Variants in LBR observed in about 807,000 individuals in gnomAD.
LBR encodes lamin B receptor.
Under a neutral mutation model 74.3 loss-of-function variants are expected in LBR, and 28 were observed. The observed-to-expected ratio is 0.38, with a 90% CI of 0.28 to 0.52. The LOEUF is 0.52. LBR is among the 20% of genes least tolerant of loss of function. The pLI is 0.89. For missense variants in LBR, 717 were observed against 760.3 expected (o/e 0.94, Z 0.67); for synonymous variants, 228 against 269.3 (o/e 0.85, Z 1.50).
chr1:225,404,302 G>C, intron 13 of LBR, 102 bp downstream of exon 13: 1 of 1,521,450 alleles, frequency 6.6e-7, no homozygotes. Context: ...GCGACAAAAA[G>C]ACTCACACCC....
chr1:225,411,877 T>C (rs969945540), intron 8 of LBR, among the ~76,000 whole-genome samples: 3 of 152,244 alleles, frequency 2.0e-5, no homozygotes, highest in Admixed American at 2.0e-4. Flanking sequence ...TGGCACAGTC[T>C]CGGCTCACTG....
At chr1:225,407,325 G>A (rs777421582) in intron 10 of LBR, among the ~76,000 whole-genome samples, 16 of 152,164 alleles carry the variant, frequency 1.1e-4, no homozygotes, top group Non-Finnish European at 1.8e-4. Context: ...CACAGTGCCC[G>A]CCATGGAGAG....
chr1:225,422,130 C>T lies in LBR; in HGVS notation c.313G>A (p.Asp105Asn), dbSNP rs557489420. Residue 105 changes from aspartate (D) to asparagine (N), a missense_variant, in exon 3 of 14, where the codon GAC becomes AAC. Physicochemically the swap from Asp to Asn is conservative, Grantham distance 23. Transcript: ENST00000272163. ...RRSASASHQA[D>N]IKEARREVEV... The stretch of plus-strand genomic sequence containing the variant: ...ACTTCCCTCCTTGCTTCCTTAATGT[C>T]GGCCTGGTGGGAAGCAGAAGCAGAT... The T allele has an allele frequency of 2.1e-5, 34 of 1,614,126 alleles. No individual in the cohort carries two copies. The highest frequency in any genetic ancestry group is 8.0e-5 in the African/African-American group (6 of 75,046).
In LBR at chr1:225,419,418, A is replaced by G. The variant is rs768462183; in HGVS notation, c.485T>C (p.Ile162Thr). ...KFSLSQESSYIATQYSLRPRR... is the reference protein window; with the variant it reads ...KFSLSQESSYTATQYSLRPRR... ...TGGACGAAGGCTATACTGTGTTGCT[A>G]TGTAACTGCTTTCTTGTGACAAACT... Residue 162 changes from isoleucine to threonine, a missense_variant, in exon 5 of 14, where the codon ATA (isoleucine) becomes ACA (threonine). By Grantham distance (89) the Ile-to-Thr change is moderately conservative. Coordinates refer to ENST00000272163, the MANE Select transcript of LBR (RefSeq NM_002296.4). The G allele has an allele frequency of 1.2e-6, 2 of 1,613,448 alleles. No individual in the cohort carries two copies. Among genetic ancestry groups the G allele is most frequent in the Non-Finnish European group, 1.7e-6 (2 of 1,179,392 alleles).
chr1:225,422,020 A>T, intron 3 of LBR, 57 bp downstream of exon 3: 3 of 1,508,142 alleles, frequency 2.0e-6, no homozygotes, highest in Non-Finnish European at 1.8e-6. Context: ...AAGTAACTTG[A>T]GTAAATATAT....
At chr1:225,417,608 A>G (rs1371380232) in intron 6 of LBR, 1 of 199,362 alleles carries the variant, frequency 5.0e-6, no homozygotes, top group Non-Finnish European at 1.0e-5. Flanking sequence ...ACATACTAAG[A>G]GTGAATTTTT....
chr1:225,415,815 C>T (rs561763979), intron 6 of LBR, among the ~76,000 whole-genome samples: 1 of 152,272 alleles, frequency 6.6e-6, no homozygotes, highest in African/African-American at 2.4e-5. Context: ...TTTGATGACG[C>T]ATACTCATAT....
chr1:225,421,257 GC>G (rs2096126952), intron 3 of LBR, among the ~76,000 whole-genome samples: 1 of 152,244 alleles, frequency 6.6e-6, no homozygotes, highest in Non-Finnish European at 1.5e-5. Flanking sequence ...ACTTTGGGAG[GC>G]CGAGGCGGGT....
rs376165105 is a variant in LBR, at chr1:225,412,682, T to C, written c.893-37A>G. The C allele has an allele frequency of 5.2e-6, 8 of 1,550,204 alleles. No homozygotes were observed. In the Admixed American group the frequency reaches 9.3e-5, roughly 18 times the overall value. ...AAAAAAAAAGGAAGTGGAAAATTAA[T>C]ATTAACCCAAGGCTCACATGAAACT... On this transcript the variant is annotated intron_variant, in intron 7 of 13. Transcript: ENST00000272163.
At chr1:225,413,569 T>C (rs529693582) in intron 7 of LBR, among the ~76,000 whole-genome samples, 49 of 152,364 alleles carry the variant, frequency 3.2e-4, no homozygotes, top group African/African-American at 1.2e-3. Context: ...TCTCAAATTA[T>C]CTGAATCCAC....
rs1263860938 is a variant in LBR at position 225,403,063 on chromosome 1, C to T, written c.*240G>A. Reference sequence around the variant, plus strand: ...TTCAGATTAAGGGTTGAAAATTTCCCATTAAAATGCAAATTCTCACATCCT... The same window carrying T: ...TTCAGATTAAGGGTTGAAAATTTCCTATTAAAATGCAAATTCTCACATCCT... On this transcript the variant is annotated 3_prime_UTR_variant, in exon 14 of 14. Transcript: ENST00000272163. 8.0e-6 allele frequency: 4 copies of T among 500,518 alleles called. No individual in the cohort carries two copies. Among genetic ancestry groups the T allele is most frequent in the Non-Finnish European group, 1.4e-5 (4 of 280,940 alleles). 31.0% of individuals were successfully genotyped at this position (500,518 alleles called of 1,614,324 possible).
intron 4 of LBR, 44 bp downstream of exon 4, chr1:225,419,671 A>AG: frequency 6.9e-7 from 1 of 1,455,360 alleles, no homozygotes; most frequent in Non-Finnish European, 9.5e-7. Context: ...AACCAAAAAA[A>AG]AGAAAAAAAA....
Position 225,412,601 on chromosome 1 carries a change from G to A in LBR, c.937C>T (p.Leu313Phe). ...ILTSAVIGTS[L>F]FQGVEFHYVY... Reference sequence around the variant, plus strand: ...TAATGAAACTCTACGCCCTGGAAGAGAGATGTTCCGATGACTGCAGATGTC... The same window carrying A: ...TAATGAAACTCTACGCCCTGGAAGAAAGATGTTCCGATGACTGCAGATGTC... Residue 313 changes from leucine to phenylalanine, a missense_variant, in exon 8 of 14, where the codon CTC becomes TTC. Leu to Phe is a conservative substitution (Grantham distance 22). Transcript: ENST00000272163. The A allele has an allele frequency of 6.2e-7, 1 of 1,610,038 alleles. No individual in the cohort carries two copies. Among genetic ancestry groups the A allele is most frequent in the Non-Finnish European group, 8.5e-7 (1 of 1,178,170 alleles).
chr1:225,408,901 C>G (rs1474515206), intron 10 of LBR, among the ~76,000 whole-genome samples: 1 of 152,142 alleles, frequency 6.6e-6, no homozygotes, highest in African/African-American at 2.4e-5. Flanking sequence ...TGGCAGAAAG[C>G]TAGTAATAGA....
chr1:225,421,673 T>C (rs2096127691), intron 3 of LBR, among the ~76,000 whole-genome samples: 1 of 152,260 alleles, frequency 6.6e-6, no homozygotes, highest in East Asian at 1.9e-4. Context: ...GTAATTCCAC[T>C]AAAATCATCT....
chr1:225,424,145 T>A, intron 1 of LBR, 56 bp from the exon 2 acceptor site: 2 of 1,292,818 alleles, frequency 1.5e-6, no homozygotes, highest in South Asian at 2.4e-5. Context: ...TATGTATTCG[T>A]CTTTTTCCAC....
At position 225,411,359 on chromosome 1, in the gene LBR, A is replaced by G. The variant is rs763875580; in HGVS notation, c.1166T>C (p.Leu389Ser). The G allele has an allele frequency of 1.2e-5, 20 of 1,613,774 alleles. No individual in the cohort carries two copies. Among genetic ancestry groups the G allele is most frequent in the African/African-American group, 1.3e-5 (1 of 74,930 alleles). ...TACCCATCCAATCAATCCGGGGCGC[A>G]ATTCACAAAAGTATTTGAGATCAAA... ...GTFDLKYFCELRPGLIGWVVI... is the reference protein window; with the variant it reads ...GTFDLKYFCESRPGLIGWVVI... Residue 389 changes from leucine (L) to serine (S), a missense_variant, in exon 9 of 14, where the codon TTG (leucine) becomes TCG (serine). Coordinates refer to ENST00000272163, the MANE Select transcript of LBR (RefSeq NM_002296.4).
chr1:225,412,775 C>T (rs2096108916), intron 7 of LBR, 130 bp from the exon 8 acceptor site: 6 of 801,274 alleles, frequency 7.5e-6, no homozygotes, highest in Middle Eastern at 3.7e-4. Context: ...ACTAAATACA[C>T]ACAAATATGC....
intron 1 of LBR, 144 bp from the exon 2 acceptor site, chr1:225,424,233 T>C (rs1446374848): frequency 1.7e-5 from 12 of 716,836 alleles, no homozygotes; most frequent in Admixed American, 4.1e-5. Flanking sequence ...TTCAATCTCA[T>C]TTGGAATCAT....
Sources: allele counts gnomAD v4.1 joint callset (sites outside exome capture counted in the v4.1 genomes callset), GRCh38; gene constraint gnomAD v4.1.1; transcripts MANE v1.5; gene names NCBI Gene and HGNC (gene_info 2026-07-23, HGNC 2026-07-21).